The following BMI1 variants were observed in gnomAD, a reference collection of about 807,000 sequenced individuals.
The protein encoded by BMI1 is BMI1 proto-oncogene, polycomb ring finger, also known as polycomb complex protein BMI-1.
A neutral mutation model predicts 39.1 loss-of-function variants in BMI1; 9 were observed. The observed-to-expected ratio is 0.23, with a 90% CI of 0.14 to 0.40. The LOEUF (loss-of-function observed/expected upper bound fraction) is 0.40. Among genes scored for constraint, BMI1 ranks in the 10% least tolerant of loss-of-function variants. BMI1 has a pLI of 1.00. For missense variants in BMI1, 252 were observed against 390.8 expected, an observed-to-expected ratio of 0.64 and a Z score of 2.99; for synonymous variants, 131 against 127.9, an observed-to-expected ratio of 1.02 and a Z score of -0.16.
chr10:22,328,818 G>C, intron 8 of BMI1, 120 bp downstream of exon 8: 1 of 1,130,256 alleles, frequency 8.8e-7, no homozygotes, highest in Non-Finnish European at 1.2e-6. Flanking sequence ...TAGTGCTAAA[G>C]TTGAAATTTA....
intron 8 of BMI1, 90 bp from the exon 9 acceptor site, chr10:22,328,958 T>C: frequency 7.5e-7 from 1 of 1,337,222 alleles, no homozygotes; most frequent in African/African-American, 1.5e-5. Flanking sequence ...AGAATATGTT[T>C]CTTAAAGCAC....
At chr10:22,322,842 C>T (rs1836042578) in intron 1 of BMI1, among the ~76,000 whole-genome samples, 1 of 152,192 alleles carries the variant, frequency 6.6e-6, no homozygotes, top group African/African-American at 2.4e-5. Flanking sequence ...TTGGGCTTGA[C>T]AGTGATATGG....
chr10:22,326,458 A>G lies in BMI1; in HGVS notation c.9A>G (p.Arg3=). ...TTTTTTATCAAGCAGAAATGCATCG[A>G]ACAACGAGAATCAAGATCACTGAGC... The part of the protein sequence containing the change: MH[R]TTRIKITELN... Residue 3 remains arginine (R), a synonymous_variant, in exon 2 of 10, where the codon CGA becomes CGG. Coordinates refer to ENST00000376663, the MANE Select transcript of BMI1 (RefSeq NM_005180.9). 6.2e-7 allele frequency: 1 copy of G among 1,613,694 alleles called. No homozygotes were observed. Among genetic ancestry groups the G allele is most frequent in the Non-Finnish European group, 8.5e-7 (1 of 1,180,020 alleles).
At position 22,326,464 on chromosome 10, in the gene BMI1, G is replaced by A; in HGVS notation, c.15G>A (p.Thr5=). The part of the protein sequence containing the change: MHRT[T]RIKITELNPH... ...ATCAAGCAGAAATGCATCGAACAAC[G>A]AGAATCAAGATCACTGAGCTAAATC... is the stretch of plus-strand genomic sequence containing the variant. The change falls in exon 2 of 10, where the codon ACG becomes ACA. Residue 5 remains threonine, a synonymous_variant. Coordinates refer to ENST00000376663, the MANE Select transcript of BMI1 (RefSeq NM_005180.9). 1.9e-6 allele frequency: 3 copies of A among 1,613,650 alleles called. No homozygotes were observed. Among genetic ancestry groups the A allele is most frequent in the East Asian group, 2.2e-5 (1 of 44,864 alleles).
chr10:22,329,558 AG>A lies in BMI1; in HGVS notation c.*18del, dbSNP rs1297985034. 6.2e-7 allele frequency: 1 copy of A among 1,606,820 alleles called. No individual in the cohort carries two copies. The highest frequency in any genetic ancestry group is 1.3e-5 in the African/African-American group (1 of 74,422). Reference sequence around the variant, plus strand: ...TTCTGGTTGATACCTGAGACTGTTAAGGAAAAAAATTTTAAACCCCTGATTT... The same window carrying A: ...TTCTGGTTGATACCTGAGACTGTTAAGAAAAAAATTTTAAACCCCTGATTT... On this transcript the variant is annotated 3_prime_UTR_variant, in exon 10 of 10. Coordinates refer to ENST00000376663, the MANE Select transcript of BMI1 (RefSeq NM_005180.9).
chr10:22,326,966 C>A lies in BMI1; in HGVS notation c.189C>A (p.Thr63=). The A allele has an allele frequency of 1.2e-6, 2 of 1,613,988 alleles. No individual in the cohort carries two copies. The highest frequency in any genetic ancestry group is 1.7e-6 in the Non-Finnish European group (2 of 1,179,914). The change falls in exon 3 of 10, where the codon ACC becomes ACA. Residue 63 remains threonine (T), a synonymous_variant. Transcript: ENST00000376663. The part of the protein sequence containing the change: ...CPICDVQVHK[T]RPLLNIRSDK... ...TTTGTGATGTCCAAGTTCACAAGAC[C>A]AGACCACTACTGAATATAAGGTAGG... is the stretch of plus-strand genomic sequence containing the variant.
rs1240699041 is a variant in BMI1 at position 22,327,734 on chromosome 10, C to T, written c.266-8C>T. ...TGCCAAATGTTTACATCTTTTTTCC[C>T]CATTCAGATGAAATGAAGAGAAGAA... On this transcript the variant is annotated splice_polypyrimidine_tract_variant and splice_region_variant and intron_variant, in intron 4 of 9. Transcript: ENST00000376663. 7 of 1,613,190 alleles carry T rather than the reference C, an allele frequency of 4.3e-6. No individual in the cohort carries two copies. The highest frequency in any genetic ancestry group is 1.7e-4 in the Middle Eastern group (1 of 6,056).
intron 1 of BMI1, among the ~76,000 whole-genome samples, chr10:22,321,933 T>TCCCGCGGCGCCGGGACCGA (rs1836013088): frequency 7.0e-6 from 1 of 142,076 alleles, no homozygotes; most frequent in Admixed American, 6.9e-5. Flanking sequence ...GCCCGCCGAC[T>TCCCGCGGCGCCGGGACCGA]CCCGCGGCGC....
chr10:22,331,458 G>C lies in BMI1; in HGVS notation c.*1916G>C, dbSNP rs921198671. On this transcript the variant is annotated 3_prime_UTR_variant, in exon 10 of 10. Transcript: ENST00000376663. Reference sequence around the variant, plus strand: ...ATGTATCTGTTTATTTACAGTCTTTGAAGTAAAAGTTACCAATGTTTGCCA... The same window carrying C: ...ATGTATCTGTTTATTTACAGTCTTTCAAGTAAAAGTTACCAATGTTTGCCA... 6.6e-6 allele frequency: 1 copy of C among 152,094 alleles called. No homozygotes were observed. Among genetic ancestry groups the C allele is most frequent in the Non-Finnish European group, 1.5e-5 (1 of 67,964 alleles). 9.4% of individuals were successfully genotyped at this position (152,094 alleles called of 1,614,324 possible).
intron 3 of BMI1, 98 bp downstream of exon 3, chr10:22,327,084 T>G: frequency 1.5e-6 from 2 of 1,330,716 alleles, no homozygotes; most frequent in Non-Finnish European, 2.1e-6. Flanking sequence ...AATTTACTCT[T>G]GAATACATAA....
At position 22,331,198 on chromosome 10, in the gene BMI1, G is replaced by A. The variant is rs1836274749; in HGVS notation, c.*1656G>A. ...GTAAGTGTTGTTTCTAATTATAGAT[G>A]TAAAATGAAATTTCATTTGTAATTG... On this transcript the variant is annotated 3_prime_UTR_variant, in exon 10 of 10. Transcript: ENST00000376663. 6.6e-6 allele frequency: 1 copy of A among 152,454 alleles called. No homozygotes were observed. Among genetic ancestry groups the A allele is most frequent in the African/African-American group, 2.4e-5 (1 of 41,402 alleles). The allele number at this position is 152,454 out of a possible 1,614,324, so 9.4% of individuals were successfully genotyped here. A position where few individuals can be genotyped will look rare whatever the true frequency, so the allele number is the denominator to read the frequency against.
In BMI1 at chr10:22,329,635, C is replaced by G. The variant is rs1564351463; in HGVS notation, c.*93C>G. The G allele has an allele frequency of 1.5e-5, 21 of 1,420,244 alleles. No homozygotes were observed. Among genetic ancestry groups the G allele is most frequent in the Non-Finnish European group, 2.0e-5 (21 of 1,062,470 alleles). 88.0% of individuals were successfully genotyped at this position (1,420,244 alleles called of 1,614,324 possible). ...GCTTTCTAGATGCTAATACATGTGACTATCGTCCAATTTGCTTTCTTTTGT... is the reference window on the plus strand; with the variant it reads ...GCTTTCTAGATGCTAATACATGTGAGTATCGTCCAATTTGCTTTCTTTTGT... On this transcript the variant is annotated 3_prime_UTR_variant, in exon 10 of 10. Transcript: ENST00000376663.
At chr10:22,323,905 A>G (rs1320712308) in intron 1 of BMI1, among the ~76,000 whole-genome samples, 2 of 152,252 alleles carry the variant, frequency 1.3e-5, no homozygotes, top group Non-Finnish European at 1.5e-5. Flanking sequence ...GGTTGCCACT[A>G]CTTTCAAAGG....
chr10:22,325,305 C>T (rs1310760820), intron 1 of BMI1, among the ~76,000 whole-genome samples: 1 of 152,216 alleles, frequency 6.6e-6, no homozygotes, highest in African/African-American at 2.4e-5. Flanking sequence ...CAAAAAATCC[C>T]TTCGTGAAAT....
chr10:22,327,315 C>T lies in BMI1; in HGVS notation c.210-280C>T, dbSNP rs12269472. Among the ~76,000 whole-genome samples, 171 of 152,236 alleles carry T rather than the reference C, an allele frequency of 1.1e-3. 1 individual carries two copies. The highest frequency in any genetic ancestry group is 3.9e-3 in the African/African-American group (160 of 41,550). On this transcript the variant is annotated intron_variant, in intron 3 of 9. Transcript: ENST00000376663. ...AAGGGCTTCCATTCCTCTTTATTCC[C>T]TATTCATATTAGCTAGTTTAGTAAC...
chr10:22,329,152 A>G, intron 9 of BMI1, 24 bp downstream of exon 9: 1 of 1,611,106 alleles, frequency 6.2e-7, no homozygotes, highest in East Asian at 2.2e-5. Context: ...CTGTTGTTAG[A>G]TTATGATGGT....
intron 1 of BMI1, among the ~76,000 whole-genome samples, chr10:22,323,059 TGTACAAC>T (rs1836049292): frequency 1.3e-5 from 2 of 152,220 alleles, no homozygotes; most frequent in Admixed American, 6.5e-5. Flanking sequence ...GTTGGTGGTG[TGTACAAC>T]GTTATGAGTA....
chr10:22,326,370 ATT>A, intron 1 of BMI1, 59 bp from the exon 2 acceptor site: 1 of 1,595,752 alleles, frequency 6.3e-7, no homozygotes, highest in Non-Finnish European at 8.5e-7. Flanking sequence ...AGGGTTTGTG[ATT>A]ACTAGATGAT....
Position 22,328,017 on chromosome 10 carries a change from T to A in BMI1, c.384T>A (p.Asp128Glu). 2 of 1,611,212 alleles carry A rather than the reference T, an allele frequency of 1.2e-6. No individual in the cohort carries two copies. The highest frequency in any genetic ancestry group is 1.7e-6 in the Non-Finnish European group (2 of 1,178,986). The change falls in exon 6 of 10, where the codon GAT becomes GAA. Residue 128 changes from aspartate to glutamate, a missense_variant. Asp to Glu is a conservative substitution (Grantham distance 45). Transcript: ENST00000376663. ...ADEDKRIITD[D>E]EIISLSIEFF... ...AAGATAAGAGAATTATAACTGATGA[T>A]GAGATAATAAGCTTATCCATTGAAT... is the stretch of plus-strand genomic sequence containing the variant.
Sources: allele counts gnomAD v4.1 joint callset (sites outside exome capture counted in the v4.1 genomes callset), GRCh38; gene constraint gnomAD v4.1.1; transcripts MANE v1.5; gene names NCBI Gene and HGNC (gene_info 2026-07-23, HGNC 2026-07-21).